USF2: variants seen among roughly 807,000 people sequenced by gnomAD.
USF2 encodes the protein upstream transcription factor 2, c-fos interacting.
USF2 carries 16 observed loss-of-function variants against 46.9 expected under a neutral mutation model. The observed-to-expected ratio is 0.34, with a 90% CI of 0.23 to 0.52. USF2 has a LOEUF of 0.52. Among genes scored for constraint, USF2 ranks in the 20% least tolerant of loss-of-function variants. The pLI, the probability that USF2 is intolerant of heterozygous loss-of-function variation, is 0.96. For synonymous variants in USF2, 239 were observed against 194.1 expected, an observed-to-expected ratio of 1.23 and a Z score of -1.92; for missense variants, 411 against 474.0, an observed-to-expected ratio of 0.87 and a Z score of 1.23.
At chr19:35,273,812 A>T (rs1001157102) in intron 7 of USF2, among the ~76,000 whole-genome samples, 1 of 152,136 alleles carries the variant, frequency 6.6e-6, no homozygotes, top group Non-Finnish European at 1.5e-5. Context: ...GGCCTCGGCT[A>T]CAGGCCTGAG....
intron 7 of USF2, among the ~76,000 whole-genome samples, chr19:35,274,729 C>G (rs943145685): frequency 6.6e-6 from 1 of 152,168 alleles, no homozygotes; most frequent in Non-Finnish European, 1.5e-5. Context: ...TGGCTTGAGT[C>G]CGGGAGACAG....
Position 35,271,152 on chromosome 19 carries a change from G to C in USF2, c.727+11G>C, listed in dbSNP as rs148272658. On this transcript the variant is annotated intron_variant, in intron 7 of 9. Transcript: ENST00000222305. ...CCCAGCACAACGAAGGTGAGGACAAGGTGTGGCTCCGGGTCCCCCTGACCA... is the reference window on the plus strand; with the variant it reads ...CCCAGCACAACGAAGGTGAGGACAACGTGTGGCTCCGGGTCCCCCTGACCA... 6.2e-7 allele frequency: 1 copy of C among 1,613,932 alleles called. No homozygotes were observed. Among genetic ancestry groups the C allele is most frequent in the Admixed American group, 1.7e-5 (1 of 60,016 alleles).
chr19:35,272,187 T>C (rs1047336139), intron 7 of USF2, among the ~76,000 whole-genome samples: 1 of 152,060 alleles, frequency 6.6e-6, no homozygotes, highest in African/African-American at 2.4e-5. Context: ...CGTCCTCAGA[T>C]ATGGCAATGC....
chr19:35,278,617 G>C (rs1487531541), intron 7 of USF2, 81 bp from the exon 8 acceptor site: 2 of 1,456,010 alleles, frequency 1.4e-6, no homozygotes, highest in Admixed American at 3.4e-5. Flanking sequence ...GGTGTCCTTG[G>C]GCTGAGCCTC....
intron 7 of USF2, chr19:35,278,422 G>T: frequency 2.3e-6 from 1 of 429,096 alleles, no homozygotes; most frequent in Non-Finnish European, 4.2e-6. Flanking sequence ...AAGTATGGTG[G>T]GGCAGGCCTG....
At chr19:35,273,395 C>G (rs530961408) in intron 7 of USF2, among the ~76,000 whole-genome samples, 2 of 152,178 alleles carry the variant, frequency 1.3e-5, no homozygotes, top group Non-Finnish European at 2.9e-5. Flanking sequence ...CTCTCTGATT[C>G]TCCTGTGATC....
rs748358479 is a variant in USF2 at position 35,270,979 on chromosome 19, G to A, written c.669-104G>A. On this transcript the variant is annotated intron_variant, in intron 6 of 9. Coordinates refer to ENST00000222305, the MANE Select transcript of USF2 (RefSeq NM_003367.4). The stretch of plus-strand genomic sequence containing the variant: ...TATCATGTCTTTTGTTTTTGCAGAT[G>A]GATTTACCTTGCAAAGATAATTTTC... The A allele has an allele frequency of 6.6e-6, 10 of 1,509,930 alleles. No homozygotes were observed. The Admixed American group carries it at 7.3e-5, about 11-fold the overall frequency. The allele number at this position is 1,509,930 out of a possible 1,614,324, so 93.5% of individuals were successfully genotyped here.
chr19:35,271,167 C>G (rs1394368985), intron 7 of USF2, 26 bp downstream of exon 7: 3 of 1,613,434 alleles, frequency 1.9e-6, no homozygotes, highest in African/African-American at 2.7e-5. Flanking sequence ...GGCTCCGGGT[C>G]CCCCTGACCA....
At chr19:35,278,917 C>T (rs1206799438) in intron 8 of USF2, 29 bp from the exon 9 acceptor site, 1 of 1,568,102 alleles carries the variant, frequency 6.4e-7, no homozygotes, top group South Asian at 1.2e-5. Flanking sequence ...GGTGCCTGCC[C>T]TAAGGCTCCT....
chr19:35,277,302 G>A lies in USF2; in HGVS notation c.728-1396G>A, dbSNP rs192609155. Reference sequence around the variant, plus strand: ...GGGCTATTGGTTTTGGAGGAAAGAGGGAGCACAAGGATGGAAGGGGCCAGG... The same window carrying A: ...GGGCTATTGGTTTTGGAGGAAAGAGAGAGCACAAGGATGGAAGGGGCCAGG... On this transcript the variant is annotated intron_variant, in intron 7 of 9. Coordinates refer to ENST00000222305, the MANE Select transcript of USF2 (RefSeq NM_003367.4). 9 of 153,406 alleles carry A rather than the reference G, an allele frequency of 5.9e-5. No homozygotes were observed. The East Asian group carries it at 1.7e-3, about 29-fold the overall frequency. 9.5% of individuals were successfully genotyped at this position (153,406 alleles called of 1,614,324 possible).
chr19:35,269,253 G>T (rs1212222178), intron 1 of USF2, 90 bp downstream of exon 1: 5 of 959,372 alleles, frequency 5.2e-6, no homozygotes, highest in Non-Finnish European at 6.2e-6. Flanking sequence ...ATCCCGAGCG[G>T]CCGCGGGCCC....
intron 7 of USF2, among the ~76,000 whole-genome samples, chr19:35,271,743 T>C (rs2066159901): frequency 6.6e-6 from 1 of 152,208 alleles, no homozygotes; most frequent in East Asian, 1.9e-4. Flanking sequence ...AGGAGAGTGC[T>C]TACACCCAAA....
chr19:35,270,714 G>A lies in USF2; in HGVS notation c.581-4G>A, dbSNP rs545777050. 2 of 1,614,044 alleles carry A rather than the reference G, an allele frequency of 1.2e-6. No individual in the cohort carries two copies. Among genetic ancestry groups the A allele is most frequent in the Non-Finnish European group, 1.7e-6 (2 of 1,179,998 alleles). Reference sequence around the variant, plus strand: ...TTGCCACTAACCCCCCACTCTCCCTGCAGGCCAGTTCTACGTCATGATGAC... The same window carrying A: ...TTGCCACTAACCCCCCACTCTCCCTACAGGCCAGTTCTACGTCATGATGAC... On this transcript the variant is annotated splice_polypyrimidine_tract_variant and splice_region_variant and intron_variant, in intron 5 of 9. Coordinates refer to ENST00000222305, the MANE Select transcript of USF2 (RefSeq NM_003367.4).
chr19:35,279,579 G>C lies in USF2; in HGVS notation c.*323G>C. The C allele has an allele frequency of 3.2e-6, 1 of 316,272 alleles. No individual in the cohort carries two copies. Among genetic ancestry groups the C allele is most frequent in the Non-Finnish European group, 5.8e-6 (1 of 173,078 alleles). The allele number at this position is 316,272 out of a possible 1,614,324, so 19.6% of individuals were successfully genotyped here. On this transcript the variant is annotated 3_prime_UTR_variant, in exon 10 of 10. Transcript: ENST00000222305. ...GCCCTGCCACGTCCCGCTGCCTCCT[G>C]CTCTCTGGAGGTACTGAGACAGGGT... is the stretch of plus-strand genomic sequence containing the variant.
intron 4 of USF2, 138 bp from the exon 5 acceptor site, chr19:35,270,308 AG>A (rs1310754249): frequency 7.7e-7 from 1 of 1,298,594 alleles, no homozygotes; most frequent in Non-Finnish European, 1.0e-6. Context: ...TTTGAAACAC[AG>A]GACAGAATGC....
At chr19:35,273,977 G>A (rs1047014075) in intron 7 of USF2, among the ~76,000 whole-genome samples, 7 of 152,010 alleles carry the variant, frequency 4.6e-5, no homozygotes, top group Non-Finnish European at 1.5e-5. Flanking sequence ...TTTTTTCTTT[G>A]CTGCAGAAGA....
Position 35,269,794 on chromosome 19 carries a change from C to A in USF2, c.229-9C>A. On this transcript the variant is annotated splice_polypyrimidine_tract_variant and intron_variant, in intron 3 of 9. Transcript: ENST00000222305. ...AGCGCCGGCCTCGCCGCTCTGCCGC[C>A]CCCTGCAGGTGACATACCGCGTAGT... The A allele has an allele frequency of 6.7e-7, 1 of 1,492,592 alleles. No homozygotes were observed. Among genetic ancestry groups the A allele is most frequent in the South Asian group, 1.3e-5 (1 of 77,516 alleles). 92.5% of individuals were successfully genotyped at this position (1,492,592 alleles called of 1,614,324 possible).
In USF2 at chr19:35,269,611, C is replaced by G. The variant is rs1436394439; in HGVS notation, c.140C>G (p.Thr47Arg). 2 of 1,596,634 alleles carry G rather than the reference C, an allele frequency of 1.3e-6. No homozygotes were observed. The highest frequency in any genetic ancestry group is 1.4e-5 in the African/African-American group (1 of 73,900). The change falls in exon 3 of 10, where the codon ACA becomes AGA. Residue 47 changes from threonine to arginine, a missense_variant. By Grantham distance (71) the Thr-to-Arg change is moderately conservative. Around this residue, in one of 2 missense-constraint regions of USF2, gnomAD observed 318 missense variants for 322.4 expected, o/e 0.99. Coordinates refer to ENST00000222305, the MANE Select transcript of USF2 (RefSeq NM_003367.4). ...GGDGPGAEEQ[T>R]AVAITSVQQA... ...GACGGCCCAGGAGCGGAGGAGCAGACAGCGGTGGCCATCACCAGCGTCCAG... is the reference window on the plus strand; with the variant it reads ...GACGGCCCAGGAGCGGAGGAGCAGAGAGCGGTGGCCATCACCAGCGTCCAG...
intron 7 of USF2, among the ~76,000 whole-genome samples, chr19:35,274,433 T>C (rs2066203434): frequency 6.6e-6 from 1 of 152,184 alleles, no homozygotes; most frequent in African/African-American, 2.4e-5. Context: ...CAGGAGCTTA[T>C]CCCAGAGTCA....
Sources: allele counts gnomAD v4.1 joint callset (sites outside exome capture counted in the v4.1 genomes callset), GRCh38; gene constraint gnomAD v4.1.1; regional missense constraint gnomAD v4.1.1; transcripts MANE v1.5; gene names NCBI Gene and HGNC (gene_info 2026-07-23, HGNC 2026-07-21).